C12orf56: variants seen among roughly 807,000 people sequenced by gnomAD.
C12orf56 encodes chromosome 12 open reading frame 56.
Under a neutral mutation model 69.9 loss-of-function variants are expected in C12orf56, and 71 were observed. The ratio of observed to expected loss-of-function variants is 1.02; its 90% CI spans 0.84 to 1.24. The LOEUF is 1.24. Among genes scored for constraint, C12orf56 ranks in the 50% most tolerant of loss-of-function variants. C12orf56 has a pLI of 0.00. For synonymous variants in C12orf56, 276 were observed against 274.1 expected, an observed-to-expected ratio of 1.01 and a Z score of -0.07; for missense variants, 732 against 738.5, an observed-to-expected ratio of 0.99 and a Z score of 0.10.
At chr12:64,270,378 G>A (rs2037967860) in intron 12 of C12orf56, among the ~76,000 whole-genome samples, 158 bp downstream of exon 12, 1 of 152,166 alleles carries the variant, frequency 6.6e-6, no homozygotes, top group Non-Finnish European at 1.5e-5. Context: ...TCCAGCCTGG[G>A]TGACAGAGCA....
intron 2 of C12orf56, among the ~76,000 whole-genome samples, chr12:64,350,558 T>C (rs758594056): frequency 5.9e-5 from 9 of 152,230 alleles, no homozygotes; most frequent in Non-Finnish European, 1.2e-4. Context: ...AAAACTGGCC[T>C]GATACATTGT....
Position 64,297,955 on chromosome 12 carries a change from C to T in C12orf56, c.1113+5680G>A, listed in dbSNP as rs556877179. ...TTCTAGTTCTAGGTCCTTGTGGAAT[C>T]GCCACACTGCCTTCCACAATGGTTG... is the stretch of plus-strand genomic sequence containing the variant. On this transcript the variant is annotated intron_variant, in intron 6 of 12. Transcript: ENST00000543942. Among the ~76,000 whole-genome samples the T allele has an allele frequency of 2.6e-5, 4 of 152,248 alleles. No homozygotes were observed. In the South Asian group the frequency reaches 6.2e-4, roughly 24 times the overall value.
Position 64,308,973 on chromosome 12 carries a change from A to AAGAAAGAAAG in C12orf56, c.968+3705_968+3706insCTTTCTTTCT, listed in dbSNP as rs1291248261. Among the ~76,000 whole-genome samples, 11 of 47,282 alleles carry AAGAAAGAAAG rather than the reference A, an allele frequency of 2.3e-4. 1 individual carries two copies. Among genetic ancestry groups the AAGAAAGAAAG allele is most frequent in the African/African-American group, 9.9e-4 (11 of 11,084 alleles). 31.0% of individuals were successfully genotyped at this position (47,282 alleles called of 152,430 possible). On this transcript the variant is annotated intron_variant, in intron 5 of 12. Transcript: ENST00000543942. ...AAAGAAAGAAAGAAAGAAAGAAAGA[A>AAGAAAGAAAG]AAGAAAGAAAGAAAAGAAAGAAGGA...
chr12:64,376,074 C>A (rs891074282), intron 1 of C12orf56, among the ~76,000 whole-genome samples: 1 of 141,552 alleles, frequency 7.1e-6, no homozygotes, highest in Non-Finnish European at 1.6e-5. Context: ...TGCACCAAAA[C>A]TGCAACGCCT....
At chr12:64,328,946 T>C (rs905378760) in intron 3 of C12orf56, among the ~76,000 whole-genome samples, 1 of 150,878 alleles carries the variant, frequency 6.6e-6, no homozygotes, top group Non-Finnish European at 1.5e-5. Context: ...GCACCTGTGA[T>C]CCCAGCTACT....
intron 2 of C12orf56, among the ~76,000 whole-genome samples, chr12:64,334,054 T>G (rs1349524812): frequency 6.6e-6 from 1 of 152,206 alleles, no homozygotes; most frequent in Non-Finnish European, 1.5e-5. Context: ...GGCTTGGATA[T>G]GAATTCCTTC....
At position 64,351,654 on chromosome 12, in the gene C12orf56, T is replaced by TG. The variant is rs563310700; in HGVS notation, c.415+1239dup. Among the ~76,000 whole-genome samples, 817 of 152,240 alleles carry TG rather than the reference T, an allele frequency of 5.4e-3. 11 individuals are homozygous for TG. The highest frequency in any genetic ancestry group is 0.019 in the African/African-American group (773 of 41,524). The stretch of plus-strand genomic sequence containing the variant: ...TGAAAGCCGCTTTGATACCCATGGA[T>TG]GGCACCCTGATGTGGTCCCTGAGAC... On this transcript the variant is annotated intron_variant, in intron 2 of 12. Coordinates refer to ENST00000543942, the MANE Select transcript of C12orf56 (RefSeq NM_001170633.2).
At chr12:64,308,372 A>G (rs914540880) in intron 5 of C12orf56, among the ~76,000 whole-genome samples, 3 of 152,018 alleles carry the variant, frequency 2.0e-5, no homozygotes, top group Admixed American at 6.6e-5. Flanking sequence ...AAACATAAAA[A>G]TGTTTTCTTA....
At chr12:64,350,454 G>C (rs2039207643) in intron 2 of C12orf56, among the ~76,000 whole-genome samples, 1 of 152,248 alleles carries the variant, frequency 6.6e-6, no homozygotes, top group Non-Finnish European at 1.5e-5. Flanking sequence ...TGCAACTGGA[G>C]AAACTGGTTG....
chr12:64,376,116 A>C (rs1441915192), intron 1 of C12orf56, among the ~76,000 whole-genome samples: 2 of 152,196 alleles, frequency 1.3e-5, no homozygotes, highest in Non-Finnish European at 2.9e-5. Flanking sequence ...GAAAGGCCCA[A>C]TTCTTTTCCA....
intron 6 of C12orf56, among the ~76,000 whole-genome samples, chr12:64,299,318 T>C (rs1322776391): frequency 6.6e-6 from 1 of 152,230 alleles, no homozygotes; most frequent in Non-Finnish European, 1.5e-5. Context: ...TATACAATCA[T>C]GTCATCTGTG....
At chr12:64,363,765 G>A (rs565273121) in intron 1 of C12orf56, among the ~76,000 whole-genome samples, 7 of 152,232 alleles carry the variant, frequency 4.6e-5, no homozygotes, top group East Asian at 3.9e-4. Context: ...TGATGCGGTC[G>A]TCCTTTTGGA....
intron 5 of C12orf56, among the ~76,000 whole-genome samples, chr12:64,311,944 A>T (rs1192223318): frequency 6.6e-6 from 1 of 152,202 alleles, no homozygotes; most frequent in Non-Finnish European, 1.5e-5. Context: ...ATAACTGGGC[A>T]TGAGCGAGTG....
At chr12:64,364,639 A>C (rs1017702816) in intron 1 of C12orf56, among the ~76,000 whole-genome samples, 4 of 152,182 alleles carry the variant, frequency 2.6e-5, no homozygotes, top group African/African-American at 9.7e-5. Context: ...GGACACTGTC[A>C]GTTTGTACCT....
Position 64,266,504 on chromosome 12 carries a change from G to T in C12orf56, c.*679C>A. On this transcript the variant is annotated 3_prime_UTR_variant, in exon 13 of 13. Transcript: ENST00000543942. ...CTGGCGGATGAGATCTTGAGTGAGTGACCTTAGGCCCAGACCAAGCTGTAA... is the reference window on the plus strand; with the variant it reads ...CTGGCGGATGAGATCTTGAGTGAGTTACCTTAGGCCCAGACCAAGCTGTAA... 3.7e-6 allele frequency: 1 copy of T among 268,202 alleles called. No individual in the cohort carries two copies. The highest frequency in any genetic ancestry group is 7.8e-5 in the South Asian group (1 of 12,852). 16.6% of individuals were successfully genotyped at this position (268,202 alleles called of 1,614,324 possible).
intron 1 of C12orf56, 25 bp from the exon 2 acceptor site, chr12:64,353,081 A>G: frequency 6.2e-7 from 1 of 1,606,058 alleles, no homozygotes; most frequent in Non-Finnish European, 8.5e-7. Flanking sequence ...AATTCACCTC[A>G]TTGAAGACAA....
At chr12:64,337,244 A>G (rs1317627748) in intron 2 of C12orf56, among the ~76,000 whole-genome samples, 3 of 152,122 alleles carry the variant, frequency 2.0e-5, no homozygotes, top group African/African-American at 2.4e-5. Context: ...CCCAAAGCCA[A>G]TTCTCTAATT....
chr12:64,298,990 C>T (rs1202976101), intron 6 of C12orf56, among the ~76,000 whole-genome samples: 4 of 152,120 alleles, frequency 2.6e-5, no homozygotes, highest in Admixed American at 6.6e-5. Context: ...GCCATTTTCA[C>T]GATATTGATT....
rs926706292 is a variant in C12orf56 at position 64,390,688 on chromosome 12, C to T, written c.-123G>A. ...GGCCACGCGTCGCCTCCTCTCCAGG[C>T]GCGGGGACCCGGGCCGCAACTGCAG... On this transcript the variant is annotated 5_prime_UTR_variant, in exon 1 of 13. Coordinates refer to ENST00000543942, the MANE Select transcript of C12orf56 (RefSeq NM_001170633.2). 3.8e-6 allele frequency: 5 copies of T among 1,321,982 alleles called. No individual in the cohort carries two copies. In the African/African-American group the frequency reaches 6.3e-5, roughly 17 times the overall value. 81.9% of individuals were successfully genotyped at this position (1,321,982 alleles called of 1,614,324 possible). A position where few individuals can be genotyped will look rare whatever the true frequency, so the allele number is the denominator to read the frequency against.
Sources: gnomAD v4.1 joint callset for allele counts (sites outside exome capture counted in the v4.1 genomes callset) on GRCh38, gnomAD v4.1.1 for gene constraint, MANE v1.5 for transcripts, NCBI Gene and HGNC (gene_info 2026-07-23, HGNC 2026-07-21) for gene names.